TNRC6B: variants seen among roughly 807,000 people sequenced by gnomAD.
The protein encoded by TNRC6B is trinucleotide repeat-containing gene 6B protein.
A neutral mutation model predicts 203.6 loss-of-function variants in TNRC6B; 52 were observed. The ratio of observed to expected loss-of-function variants is 0.26; its 90% CI spans 0.20 to 0.32. TNRC6B has a LOEUF of 0.32. Among genes scored for constraint, TNRC6B ranks in the 10% least tolerant of loss-of-function variants. The probability of loss-of-function intolerance (pLI) is 1.00; values close to 1 mark genes in which losing one functional copy is unlikely to be tolerated. For synonymous variants in TNRC6B, 838 were observed against 845.7 expected (o/e 0.99, Z 0.16); for missense variants, 1,923 against 2,286.2 (o/e 0.84, Z 3.24).
In TNRC6B at chr22:40,322,845, T is replaced by TC; in HGVS notation, c.5115-9_5115-8insC. ...AGATCCATAGCTCTCTTTCCCTCCC[T>TC]TCTTCCAGGTGTGTGTTGGGAAACA... On this transcript the variant is annotated splice_polypyrimidine_tract_variant and intron_variant, in intron 22 of 22. Transcript: ENST00000454349. 1 of 1,613,708 alleles carries TC rather than the reference T, an allele frequency of 6.2e-7. No homozygotes were observed. The highest frequency in any genetic ancestry group is 1.1e-5 in the South Asian group (1 of 91,082).
chr22:40,151,379 C>G (rs1205551814), intron 3 of TNRC6B, among the ~76,000 whole-genome samples: 1 of 151,086 alleles, frequency 6.6e-6, no homozygotes, highest in Non-Finnish European at 1.5e-5. Flanking sequence ...GCCTGGCCAA[C>G]ATGGCGAAAC....
intron 7 of TNRC6B, among the ~76,000 whole-genome samples, chr22:40,274,034 A>G (rs1015017131): frequency 6.6e-6 from 1 of 152,214 alleles, no homozygotes; most frequent in African/African-American, 2.4e-5. Context: ...TTGGAAACAA[A>G]TAACTACTTC....
chr22:40,323,809 T>A lies in TNRC6B; in HGVS notation c.*568T>A, dbSNP rs1685278717. 1 of 150,100 alleles carries A rather than the reference T, an allele frequency of 6.7e-6. No homozygotes were observed. 9.3% of individuals were successfully genotyped at this position (150,100 alleles called of 1,614,324 possible). A position where few individuals can be genotyped will look rare whatever the true frequency, so the allele number is the denominator to read the frequency against. ...CCTAAAAAAAAAAAAAAGGAAAAAA[T>A]TTGTGATTGGCTGGTTGATAAATAC... On this transcript the variant is annotated 3_prime_UTR_variant, in exon 23 of 23. Transcript: ENST00000454349.
chr22:40,107,531 A>G (rs1404554267), intron 1 of TNRC6B, among the ~76,000 whole-genome samples: 1 of 152,180 alleles, frequency 6.6e-6, no homozygotes, highest in Non-Finnish European at 1.5e-5. Flanking sequence ...AAAGACTGAA[A>G]AACTATATAG....
chr22:40,294,054 T>G (rs1601497531), intron 12 of TNRC6B, among the ~76,000 whole-genome samples: 1 of 70,360 alleles, frequency 1.4e-5, no homozygotes, highest in African/African-American at 5.9e-5. Flanking sequence ...CTGGGCAAAA[T>G]GGCAAAACCC....
At chr22:40,174,093 C>A (rs531260001), upstream of TNRC6B, among the ~76,000 whole-genome samples, 1 of 151,482 alleles carries the variant, frequency 6.6e-6, no homozygotes, top group African/African-American at 2.4e-5. Context: ...GCCACCACGC[C>A]CAGCCTTTTT....
At chr22:40,202,260 G>GTT (rs200101424) in intron 1 of TNRC6B, among the ~76,000 whole-genome samples, 3 of 129,774 alleles carry the variant, frequency 2.3e-5, no homozygotes, top group Non-Finnish European at 1.7e-5. Flanking sequence ...TTGTTTTTTT[G>GTT]TTTTTTTTTT....
intron 21 of TNRC6B, among the ~76,000 whole-genome samples, chr22:40,320,531 A>G (rs1427608905): frequency 6.6e-6 from 1 of 152,204 alleles, no homozygotes; most frequent in Admixed American, 6.5e-5. Flanking sequence ...ATCAGAGTGA[A>G]TAAGTTTGTT....
In TNRC6B at chr22:40,323,189, C is replaced by T; in HGVS notation, c.5450C>T (p.Pro1817Leu). 1 of 1,613,646 alleles carries T rather than the reference C, an allele frequency of 6.2e-7. No homozygotes were observed. Among genetic ancestry groups the T allele is most frequent in the Admixed American group, 1.7e-5 (1 of 60,008 alleles). The change falls in exon 23 of 23, where the codon CCT (proline) becomes CTT (leucine). Residue 1817 changes from proline (P) to leucine (L), a missense_variant. By Grantham distance (98) the Pro-to-Leu change is moderately conservative. This residue lies in a region of TNRC6B where 126 missense variants were observed against 137.5 expected (regional missense o/e 0.92). Coordinates refer to ENST00000454349, the MANE Select transcript of TNRC6B (RefSeq NM_001162501.2). ...GAAGATCCCCATAGGATGGGCAGCC[C>T]TGCTCCTTTACTACCTGGTGACCTT... is the stretch of plus-strand genomic sequence containing the variant. ...TVEDPHRMGSPAPLLPGDLLG... is the reference protein window; with the variant it reads ...TVEDPHRMGSLAPLLPGDLLG...
chr22:40,244,039 C>G (rs558777229), intron 1 of TNRC6B, among the ~76,000 whole-genome samples: 1 of 151,772 alleles, frequency 6.6e-6, no homozygotes, highest in South Asian at 2.1e-4. Flanking sequence ...GTTGGTTTCA[C>G]TGTAAAATGT....
At chr22:40,148,920 A>G (rs952259012) in intron 3 of TNRC6B, among the ~76,000 whole-genome samples, 3 of 152,044 alleles carry the variant, frequency 2.0e-5, no homozygotes, top group Non-Finnish European at 4.4e-5. Flanking sequence ...GAGGGAACCA[A>G]CCCTGCCAAT....
At chr22:40,262,477 A>G (rs566812387) in intron 4 of TNRC6B, among the ~76,000 whole-genome samples, 3 of 152,146 alleles carry the variant, frequency 2.0e-5, no homozygotes, top group South Asian at 2.1e-4. Flanking sequence ...TTCCACCGTC[A>G]TATGTGTTCA....
chr22:40,186,431 C>G (rs1197867026), intron 1 of TNRC6B, among the ~76,000 whole-genome samples: 1 of 151,764 alleles, frequency 6.6e-6, no homozygotes, highest in Admixed American at 6.6e-5. Context: ...TTTAAATTTT[C>G]CAGGAGTCAC....
intron 1 of TNRC6B, among the ~76,000 whole-genome samples, chr22:40,181,720 G>C (rs1218906580): frequency 1.3e-5 from 2 of 152,044 alleles, no homozygotes; most frequent in Admixed American, 6.6e-5. Context: ...CAGGCTGATT[G>C]CTTGAGCTCA....
intron 1 of TNRC6B, among the ~76,000 whole-genome samples, chr22:40,204,662 G>C (rs1285650381): frequency 1.3e-5 from 2 of 152,200 alleles, no homozygotes; most frequent in African/African-American, 2.4e-5. Context: ...CAGGGGGGCT[G>C]CCTGGCCTCC....
intron 6 of TNRC6B, 59 bp downstream of exon 6, chr22:40,270,339 A>C: frequency 7.7e-6 from 10 of 1,306,266 alleles, no homozygotes; most frequent in Non-Finnish European, 7.8e-6. Context: ...TTTAATTGAG[A>C]CGGAGTTTCA....
Position 40,323,375 on chromosome 22 carries a change from G to A in TNRC6B, c.*134G>A. ...AAAAAAGAAAACGGAGAGAAAAAAA[G>A]GTGGGTCATTGACAGACTGTCTGAG... On this transcript the variant is annotated 3_prime_UTR_variant, in exon 23 of 23. Transcript: ENST00000454349. 1.7e-6 allele frequency: 2 copies of A among 1,204,420 alleles called. No homozygotes were observed. The highest frequency in any genetic ancestry group is 2.3e-6 in the Non-Finnish European group (2 of 888,884). 74.6% of individuals were successfully genotyped at this position (1,204,420 alleles called of 1,614,324 possible). A position where few individuals can be genotyped will look rare whatever the true frequency, so the allele number is the denominator to read the frequency against.
At chr22:40,285,548 C>A (rs902717307) in intron 11 of TNRC6B, 97 bp from the exon 12 acceptor site, 3 of 1,413,752 alleles carry the variant, frequency 2.1e-6, no homozygotes, top group South Asian at 2.8e-5. Context: ...CGAACACAGC[C>A]TGTGATTCTT....
intron 3 of TNRC6B, among the ~76,000 whole-genome samples, chr22:40,130,278 G>C (rs943404581): frequency 6.6e-6 from 1 of 152,202 alleles, no homozygotes; most frequent in African/African-American, 2.4e-5. Flanking sequence ...CTGCTCTTCT[G>C]ACTCTTGTTT....
Sources: gnomAD v4.1 joint callset for allele counts (sites outside exome capture counted in the v4.1 genomes callset) on GRCh38, gnomAD v4.1.1 for gene constraint, gnomAD v4.1.1 regional missense constraint, MANE v1.5 for transcripts, NCBI Gene and HGNC (gene_info 2026-07-23, HGNC 2026-07-21) for gene names.